EPB41L4A: variants seen among roughly 807,000 people sequenced by gnomAD.
EPB41L4A encodes the protein band 4.1-like protein 4A.
In EPB41L4A, 100 loss-of-function variants were observed where a neutral mutation model predicts 108.6. The observed-to-expected ratio is 0.92, with a 90% confidence interval of 0.78 to 1.09. EPB41L4A has a LOEUF of 1.09. EPB41L4A is among the 50% of genes least tolerant of loss of function. EPB41L4A has a pLI of 0.00. For missense variants in EPB41L4A, 1,030 were observed against 842.7 expected, an observed-to-expected ratio of 1.22 and a Z score of -2.75; for synonymous variants, 319 against 289.0, an observed-to-expected ratio of 1.10 and a Z score of -1.05.
chr5:112,259,311 G>A lies in EPB41L4A; in HGVS notation c.732-19C>T, dbSNP rs1282679179. The A allele has an allele frequency of 3.7e-6, 6 of 1,606,638 alleles. No individual in the cohort carries two copies. In the African/African-American group the frequency reaches 5.4e-5, roughly 14 times the overall value. On this transcript the variant is annotated intron_variant, in intron 8 of 22. Coordinates refer to ENST00000261486, the MANE Select transcript of EPB41L4A (RefSeq NM_022140.5). ...CCGAGGCCTAAAAAACAAAGCAGATGGTGTTGCTGCTGTTTTTAAGTATTA... is the reference window on the plus strand; with the variant it reads ...CCGAGGCCTAAAAAACAAAGCAGATAGTGTTGCTGCTGTTTTTAAGTATTA...
downstream of EPB41L4A, chr5:112,161,342 C>T (rs1051324275): frequency 1.3e-5 from 5 of 386,582 alleles, no homozygotes; most frequent in African/African-American, 8.4e-5. Flanking sequence ...TAAAACGCAT[C>T]GCATTTCACT....
At chr5:112,179,905 T>C (rs528696295) in intron 18 of EPB41L4A, among the ~76,000 whole-genome samples, 30 of 152,086 alleles carry the variant, frequency 2.0e-4, no homozygotes, top group African/African-American at 7.2e-4. Flanking sequence ...CCGCAGAAAA[T>C]CGTAAGAAAC....
intron 1 of EPB41L4A, among the ~76,000 whole-genome samples, chr5:112,390,743 C>G (rs1381964799): frequency 6.6e-6 from 1 of 152,212 alleles, no homozygotes; most frequent in Non-Finnish European, 1.5e-5. Context: ...AGACTGCCTC[C>G]TCAAGTGGAT....
chr5:112,165,130 T>C lies in EPB41L4A; in HGVS notation c.1933-12A>G. The stretch of plus-strand genomic sequence containing the variant: ...GACCCATTTCTTCTCTAAAATATAT[T>C]TGAAAAATGTAGAAAGATTCAGAAG... On this transcript the variant is annotated splice_polypyrimidine_tract_variant and intron_variant, in intron 22 of 22. Coordinates refer to ENST00000261486, the MANE Select transcript of EPB41L4A (RefSeq NM_022140.5). The C allele has an allele frequency of 6.3e-7, 1 of 1,579,168 alleles. No individual in the cohort carries two copies. The highest frequency in any genetic ancestry group is 8.7e-7 in the Non-Finnish European group (1 of 1,155,248).
At chr5:112,270,261 G>C (rs1228103125) in intron 4 of EPB41L4A, among the ~76,000 whole-genome samples, 1 of 152,146 alleles carries the variant, frequency 6.6e-6, no homozygotes, top group African/African-American at 2.4e-5. Flanking sequence ...GAAGGATGTA[G>C]GGACAGGGAG....
At chr5:112,360,616 C>A (rs1303176783) in intron 1 of EPB41L4A, among the ~76,000 whole-genome samples, 2 of 152,210 alleles carry the variant, frequency 1.3e-5, no homozygotes, top group Non-Finnish European at 2.9e-5. Context: ...GTGATCTCGG[C>A]TCGCTACAAC....
At chr5:112,277,603 C>T (rs989221755) in intron 3 of EPB41L4A, among the ~76,000 whole-genome samples, 1 of 152,098 alleles carries the variant, frequency 6.6e-6, no homozygotes. Context: ...TGCCTAAAAT[C>T]ACAGGGAAGA....
chr5:112,310,317 T>C (rs1580659132), intron 1 of EPB41L4A, among the ~76,000 whole-genome samples: 1 of 152,246 alleles, frequency 6.6e-6, no homozygotes, highest in Non-Finnish European at 1.5e-5. Flanking sequence ...AGTTTGTCTA[T>C]GGAGTCTTCT....
intron 1 of EPB41L4A, among the ~76,000 whole-genome samples, chr5:112,364,191 A>C (rs1758973355): frequency 6.6e-6 from 1 of 152,038 alleles, no homozygotes; most frequent in South Asian, 2.1e-4. Context: ...CATGCCAGGC[A>C]ATTTTTTGTA....
At position 112,164,901 on chromosome 5, in the gene EPB41L4A, G is replaced by C; in HGVS notation, c.*89C>G. On this transcript the variant is annotated 3_prime_UTR_variant, in exon 23 of 23. Transcript: ENST00000261486. ...GCTGAAGAAATACTTGCAGGTCTGA[G>C]ATTTGAATTAAGATACCTATTTCAC... 3.2e-6 allele frequency: 4 copies of C among 1,269,564 alleles called. No homozygotes were observed. The highest frequency in any genetic ancestry group is 3.2e-6 in the Non-Finnish European group (3 of 944,884). 78.6% of individuals were successfully genotyped at this position (1,269,564 alleles called of 1,614,324 possible).
intron 17 of EPB41L4A, among the ~76,000 whole-genome samples, chr5:112,190,523 T>C (rs145653419): frequency 3.7e-4 from 56 of 152,162 alleles, no homozygotes; most frequent in African/African-American, 1.3e-3. Context: ...AAATGAAACA[T>C]AGGACCAAAA....
chr5:112,185,573 T>G (rs1156970795), intron 17 of EPB41L4A, among the ~76,000 whole-genome samples: 2 of 152,244 alleles, frequency 1.3e-5, no homozygotes, highest in Non-Finnish European at 2.9e-5. Context: ...TTGAAGTGTA[T>G]GTATTTCCTC....
chr5:112,412,434 C>T (rs1762466068), intron 1 of EPB41L4A, among the ~76,000 whole-genome samples: 1 of 152,164 alleles, frequency 6.6e-6, no homozygotes, highest in East Asian at 1.9e-4. Flanking sequence ...ATGACTATTT[C>T]ACTTAAAAAA....
chr5:112,300,030 T>G (rs947615092), intron 2 of EPB41L4A, among the ~76,000 whole-genome samples: 2 of 152,336 alleles, frequency 1.3e-5, no homozygotes, highest in African/African-American at 4.8e-5. Flanking sequence ...CAAGTTTATG[T>G]GAGTCCTTAT....
chr5:112,339,468 A>AAATATCTATATATATATATCTATATC (rs1561584809), intron 1 of EPB41L4A, among the ~76,000 whole-genome samples: 5 of 48,284 alleles, frequency 1.0e-4, no homozygotes, highest in African/African-American at 2.8e-4. Flanking sequence ...ATAGATATAT[A>AAATATCTATATATATATATCTATATC]TATATCTATA....
chr5:112,418,936 C>A lies in EPB41L4A; in HGVS notation c.99+5G>T. On this transcript the variant is annotated splice_donor_5th_base_variant and intron_variant, in intron 1 of 22. Coordinates refer to ENST00000261486, the MANE Select transcript of EPB41L4A (RefSeq NM_022140.5). ...CCCCCGGAACGCGCTCCGGGCCGCA[C>A]CCACCTTGATGCCCTGCTGCTGGGT... 1 of 1,611,634 alleles carries A rather than the reference C, an allele frequency of 6.2e-7. No individual in the cohort carries two copies. The highest frequency in any genetic ancestry group is 1.1e-5 in the South Asian group (1 of 90,902).
chr5:112,161,646 T>C (rs761626679), downstream of EPB41L4A: 3 of 518,646 alleles, frequency 5.8e-6, no homozygotes, highest in African/African-American at 3.8e-5. Context: ...CGCGTGATCT[T>C]GACCCTGCTA....
intron 12 of EPB41L4A, among the ~76,000 whole-genome samples, chr5:112,153,553 A>T (rs1490458169): frequency 2.0e-5 from 3 of 149,466 alleles, no homozygotes; most frequent in African/African-American, 7.4e-5. Flanking sequence ...AGAAAAGAAA[A>T]AGAAAAAATA....
In EPB41L4A at chr5:112,163,642, G is replaced by C. The variant is rs576377600; in HGVS notation, c.*1348C>G. 6.6e-6 allele frequency: 1 copy of C among 152,290 alleles called. No individual in the cohort carries two copies. Among genetic ancestry groups the C allele is most frequent in the African/African-American group, 2.4e-5 (1 of 41,552 alleles). 9.4% of individuals were successfully genotyped at this position (152,290 alleles called of 1,614,324 possible). ...GGAGTAGAGGGAAAGATCCATGTTA[G>C]AGATAGCTTAAGATAGGGATTAGAT... On this transcript the variant is annotated 3_prime_UTR_variant, in exon 23 of 23. Coordinates refer to ENST00000261486, the MANE Select transcript of EPB41L4A (RefSeq NM_022140.5).
Sources: allele counts gnomAD v4.1 joint callset (sites outside exome capture counted in the v4.1 genomes callset), GRCh38; gene constraint gnomAD v4.1.1; transcripts MANE v1.5; gene names NCBI Gene and HGNC (gene_info 2026-07-23, HGNC 2026-07-21).